ANKRD12: variants seen among roughly 807,000 people sequenced by gnomAD.
The protein encoded by ANKRD12 is ankyrin repeat domain 12, also known as ankyrin repeat domain-containing protein 12.
ANKRD12 carries 85 observed loss-of-function variants against 183.4 expected under a neutral mutation model. The ratio of observed to expected loss-of-function variants is 0.46; its 90% confidence interval spans 0.39 to 0.56. ANKRD12 has a LOEUF of 0.56. Among genes scored for constraint, ANKRD12 ranks in the 20% least tolerant of loss-of-function variants. The pLI, the probability that ANKRD12 is intolerant of heterozygous loss-of-function variation, is 0.00. For synonymous variants in ANKRD12, 914 were observed against 800.2 expected, an observed-to-expected ratio of 1.14 and a Z score of -2.40; for missense variants, 2,405 against 2,357.1, an observed-to-expected ratio of 1.02 and a Z score of -0.42.
At chr18:9,182,282 G>A in intron 1 of ANKRD12, 100 bp from the exon 2 acceptor site, 1 of 351,936 alleles carries the variant, frequency 2.8e-6, no homozygotes, top group Non-Finnish European at 5.1e-6. Flanking sequence ...GAGAAAATAA[G>A]GTATCTTATG....
At chr18:9,168,698 G>GT (rs1311561415) in intron 1 of ANKRD12, among the ~76,000 whole-genome samples, 2 of 152,046 alleles carry the variant, frequency 1.3e-5, no homozygotes, top group African/African-American at 2.4e-5. Context: ...TTTTTGAAGG[G>GT]TTTTTTGTGT....
Position 9,263,091 on chromosome 18 carries a change from C to T in ANKRD12, c.5665-699C>T, listed in dbSNP as rs767946554. Among the ~76,000 whole-genome samples the T allele has an allele frequency of 1.2e-4, 18 of 152,038 alleles. 1 individual carries two copies. The highest frequency in any genetic ancestry group is 7.2e-4 in the Admixed American group (11 of 15,254). The stretch of plus-strand genomic sequence containing the variant: ...GATTACAGGTGTGGACCACCATGCC[C>T]GGCCAGTGTATCTTATTGTAACAGT... On this transcript the variant is annotated intron_variant, in intron 9 of 12. Transcript: ENST00000262126.
intron 1 of ANKRD12, among the ~76,000 whole-genome samples, chr18:9,146,487 A>G (rs539528563): frequency 6.6e-6 from 1 of 152,334 alleles, no homozygotes; most frequent in East Asian, 1.9e-4. Context: ...GTTTGAAAGT[A>G]GCCTGGCCAA....
intron 1 of ANKRD12, among the ~76,000 whole-genome samples, chr18:9,156,071 G>A (rs2030380295): frequency 6.7e-6 from 1 of 148,632 alleles, no homozygotes; most frequent in African/African-American, 2.5e-5. Flanking sequence ...TGGGGAGGTG[G>A]AGGTTGTGGT....
intron 7 of ANKRD12, among the ~76,000 whole-genome samples, chr18:9,221,045 T>G (rs773498750): frequency 6.6e-6 from 1 of 152,194 alleles, no homozygotes; most frequent in Non-Finnish European, 1.5e-5. Context: ...TCAGCAAAGT[T>G]TCCTTGTTTT....
At chr18:9,186,877 G>C (rs1028192974) in intron 2 of ANKRD12, among the ~76,000 whole-genome samples, 1 of 149,646 alleles carries the variant, frequency 6.7e-6, no homozygotes, top group East Asian at 2.0e-4. Context: ...TCAGCCTCCC[G>C]AGTAGCTGGG....
chr18:9,278,958 G>T (rs903010930), intron 11 of ANKRD12, among the ~76,000 whole-genome samples: 3 of 151,918 alleles, frequency 2.0e-5, no homozygotes, highest in Non-Finnish European at 4.4e-5. Flanking sequence ...CTGAAGAGAG[G>T]TTACCACATT....
intron 10 of ANKRD12, among the ~76,000 whole-genome samples, chr18:9,265,963 A>G (rs1937621141): frequency 1.3e-5 from 2 of 152,238 alleles, no homozygotes; most frequent in African/African-American, 4.8e-5. Context: ...CACGAGAACT[A>G]CATGACGAAT....
At chr18:9,233,855 G>A (rs1285901071) in intron 8 of ANKRD12, among the ~76,000 whole-genome samples, 1 of 152,130 alleles carries the variant, frequency 6.6e-6, no homozygotes, top group East Asian at 1.9e-4. Flanking sequence ...TCATATTCTG[G>A]CACTGGTGTC....
chr18:9,214,773 G>A (rs1465350015), intron 6 of ANKRD12, among the ~76,000 whole-genome samples: 2 of 152,246 alleles, frequency 1.3e-5, no homozygotes, highest in African/African-American at 2.4e-5. Flanking sequence ...GTGGAAAAAA[G>A]GAAAGGAAAT....
In ANKRD12 at chr18:9,210,928, C is replaced by A. The variant is rs189845957; in HGVS notation, c.452-656C>A. On this transcript the variant is annotated intron_variant, in intron 5 of 12. Coordinates refer to ENST00000262126, the MANE Select transcript of ANKRD12 (RefSeq NM_015208.5). ...TAACACTGTATATATGTCTTGAATCCTTAATTAAGAAACCAGTTTTTGTTT... is the reference window on the plus strand; with the variant it reads ...TAACACTGTATATATGTCTTGAATCATTAATTAAGAAACCAGTTTTTGTTT... Among the ~76,000 whole-genome samples, 16 of 151,738 alleles carry A rather than the reference C, an allele frequency of 1.1e-4. No homozygotes were observed. The East Asian group carries it at 2.7e-3, about 26-fold the overall frequency.
intron 1 of ANKRD12, among the ~76,000 whole-genome samples, chr18:9,173,087 T>G (rs935828611): frequency 3.4e-4 from 49 of 143,208 alleles, no homozygotes; most frequent in African/African-American, 1.2e-3. Context: ...TTTTTTTTTT[T>G]GAGACTGAGT....
Position 9,255,671 on chromosome 18 carries a change from G to T in ANKRD12, c.2404G>T (p.Val802Leu). The T allele has an allele frequency of 6.3e-7, 1 of 1,589,676 alleles. No homozygotes were observed. The highest frequency in any genetic ancestry group is 1.2e-5 in the South Asian group (1 of 84,798). Residue 802 changes from valine (V) to leucine (L), a missense_variant, in exon 9 of 13, where the codon GTG (valine) becomes TTG (leucine). Coordinates refer to ENST00000262126, the MANE Select transcript of ANKRD12 (RefSeq NM_015208.5). ...AIEESIGLHLVEKEIDIEKQE... is the reference protein window; with the variant it reads ...AIEESIGLHLLEKEIDIEKQE... ...TGAGGAATCTATAGGGCTTCATTTAGTGGAAAAGGAAATAGACATTGAAAA... is the reference window on the plus strand; with the variant it reads ...TGAGGAATCTATAGGGCTTCATTTATTGGAAAAGGAAATAGACATTGAAAA...
rs1567974491 is a variant in ANKRD12 at position 9,255,964 on chromosome 18, C to T, written c.2697C>T (p.Asp899=). The change falls in exon 9 of 13, where the codon GAC becomes GAT. Residue 899 remains aspartate, a synonymous_variant. Transcript: ENST00000262126. ...CTGCTGCTATTAAAAAAACTGACGA[C>T]AGAGAGAAAAGTAGAGAAAAGATGG... ...KNTAAIKKTD[D]REKSREKMDR... is the part of the protein sequence containing the mutation. 6.4e-7 allele frequency: 1 copy of T among 1,569,876 alleles called. No homozygotes were observed.
At chr18:9,171,568 A>G (rs1482902261) in intron 1 of ANKRD12, among the ~76,000 whole-genome samples, 1 of 152,154 alleles carries the variant, frequency 6.6e-6, no homozygotes, top group Admixed American at 6.5e-5. Flanking sequence ...GGCAGCGGAA[A>G]GGAAAGTTTT....
intron 7 of ANKRD12, among the ~76,000 whole-genome samples, chr18:9,219,778 G>A (rs2036313754): frequency 6.6e-6 from 1 of 151,406 alleles, no homozygotes; most frequent in Non-Finnish European, 1.5e-5. Flanking sequence ...AAAAAGCTTA[G>A]GAATCGATAG....
intron 6 of ANKRD12, among the ~76,000 whole-genome samples, chr18:9,213,208 C>T (rs1185556254): frequency 6.6e-6 from 1 of 151,674 alleles, no homozygotes; most frequent in Non-Finnish European, 1.5e-5. Context: ...TACATGTAGC[C>T]CTATTATAAT....
chr18:9,190,215 T>G (rs2034365932), intron 2 of ANKRD12, among the ~76,000 whole-genome samples: 1 of 152,184 alleles, frequency 6.6e-6, no homozygotes, highest in Non-Finnish European at 1.5e-5. Flanking sequence ...CGCAAGAGAA[T>G]GAGAATCAAG....
At chr18:9,241,225 A>G (rs891384665) in intron 8 of ANKRD12, among the ~76,000 whole-genome samples, 3 of 152,190 alleles carry the variant, frequency 2.0e-5, no homozygotes, top group Non-Finnish European at 2.9e-5. Context: ...CCAAATATAT[A>G]TATCAACAAA....
Sources: gnomAD v4.1 joint callset for allele counts (sites outside exome capture counted in the v4.1 genomes callset) on GRCh38, gnomAD v4.1.1 for gene constraint, MANE v1.5 for transcripts, NCBI Gene and HGNC (gene_info 2026-07-23, HGNC 2026-07-21) for gene names.